The following ERBB4 variants were observed in gnomAD, a reference collection of about 807,000 sequenced individuals.
ERBB4 encodes receptor tyrosine-protein kinase erbB-4.
ERBB4 carries 42 observed loss-of-function variants against 158.0 expected under a neutral mutation model. The ratio of observed to expected loss-of-function variants is 0.27; its 90% CI spans 0.21 to 0.34. ERBB4 has a LOEUF of 0.34. Ranked by LOEUF, ERBB4 falls within the 10% of genes least tolerant of loss-of-function variation. The pLI, the probability that ERBB4 is intolerant of heterozygous loss-of-function variation, is 1.00. For synonymous variants in ERBB4, 583 were observed against 558.7 expected (o/e 1.04, Z -0.61); for missense variants, 1,333 against 1,624.1 (o/e 0.82, Z 3.08).
rs531755883 is a variant in ERBB4 at position 211,585,507 on chromosome 2, C to T, written c.2302-23419G>A. 7.2e-5 allele frequency among the ~76,000 whole-genome samples: 11 copies of T among 152,048 alleles called. No homozygotes were observed. The East Asian group carries it at 2.1e-3, about 29-fold the overall frequency. On this transcript the variant is annotated intron_variant, in intron 19 of 27. Transcript: ENST00000342788. ...ATTGATAGCATAAATAAGAAATTGACTTTGAGGGGTCATGATTTTTAAAAG... is the reference window on the plus strand; with the variant it reads ...ATTGATAGCATAAATAAGAAATTGATTTTGAGGGGTCATGATTTTTAAAAG...
At chr2:211,455,141 C>T (rs900916110) in intron 20 of ERBB4, among the ~76,000 whole-genome samples, 3 of 152,196 alleles carry the variant, frequency 2.0e-5, no homozygotes, top group Non-Finnish European at 4.4e-5. Context: ...ACAGAAATTA[C>T]TCTGTTTTAA....
At chr2:212,368,603 C>A (rs1259650921) in intron 1 of ERBB4, among the ~76,000 whole-genome samples, 1 of 152,062 alleles carries the variant, frequency 6.6e-6, no homozygotes, top group Admixed American at 6.6e-5. Context: ...TGGTGTCCAT[C>A]AATATTAGCT....
At chr2:211,856,609 G>C (rs1347447399) in intron 3 of ERBB4, among the ~76,000 whole-genome samples, 3 of 151,912 alleles carry the variant, frequency 2.0e-5, no homozygotes, top group African/African-American at 7.2e-5. Context: ...GGATGGTCTC[G>C]ATCTCCTGGC....
chr2:211,742,827 A>T (rs2074841741), intron 5 of ERBB4, among the ~76,000 whole-genome samples: 1 of 152,038 alleles, frequency 6.6e-6, no homozygotes, highest in South Asian at 2.1e-4. Context: ...ATTATCTACA[A>T]GAAAAAAATA....
At chr2:212,338,415 G>GA (rs994438273) in intron 1 of ERBB4, among the ~76,000 whole-genome samples, 2 of 152,080 alleles carry the variant, frequency 1.3e-5, no homozygotes, top group African/African-American at 4.8e-5. Context: ...ACATTAAATT[G>GA]AGGTGGCTGT....
chr2:212,125,556 C>G (rs1559545941), intron 1 of ERBB4, among the ~76,000 whole-genome samples: 1 of 152,150 alleles, frequency 6.6e-6, no homozygotes, highest in Non-Finnish European at 1.5e-5. Flanking sequence ...TTTTCCTGAT[C>G]CTCTCCCTCC....
At chr2:211,556,585 C>T (rs1477639032) in intron 20 of ERBB4, among the ~76,000 whole-genome samples, 1 of 151,886 alleles carries the variant, frequency 6.6e-6, no homozygotes, top group Non-Finnish European at 1.5e-5. Context: ...ATACATCCAC[C>T]TCATTGCCAC....
chr2:211,869,776 G>C (rs577387558), intron 3 of ERBB4, among the ~76,000 whole-genome samples: 1 of 151,954 alleles, frequency 6.6e-6, no homozygotes, highest in Non-Finnish European at 1.5e-5. Context: ...TAATAGAGTG[G>C]TATATATACA....
At chr2:212,070,899 C>T (rs1050980706) in intron 2 of ERBB4, among the ~76,000 whole-genome samples, 2 of 151,666 alleles carry the variant, frequency 1.3e-5, no homozygotes, top group African/African-American at 2.4e-5. Flanking sequence ...TCTGAAATGT[C>T]CCCGTTTTCT....
intron 1 of ERBB4, among the ~76,000 whole-genome samples, chr2:212,425,182 T>C (rs1486580857): frequency 6.6e-6 from 1 of 151,328 alleles, no homozygotes; most frequent in Non-Finnish European, 1.5e-5. Flanking sequence ...TCTTTTGAAG[T>C]AAAAGTAAAT....
At chr2:211,439,100 G>C (rs919143796) in intron 20 of ERBB4, among the ~76,000 whole-genome samples, 1 of 151,974 alleles carries the variant, frequency 6.6e-6, no homozygotes, top group East Asian at 1.9e-4. Context: ...TGGACATTCA[G>C]CTGGAAGTTT....
At chr2:211,729,367 C>A (rs1313067785) in intron 5 of ERBB4, among the ~76,000 whole-genome samples, 1 of 151,522 alleles carries the variant, frequency 6.6e-6, no homozygotes, top group Non-Finnish European at 1.5e-5. Context: ...AAATATAGGG[C>A]TTTTCACCAT....
rs575596223 is a variant in ERBB4, at chr2:211,913,093, C to T, written c.421+34337G>A. Among the ~76,000 whole-genome samples, 5 of 152,290 alleles carry T rather than the reference C, an allele frequency of 3.3e-5. No homozygotes were observed. In the East Asian group the frequency reaches 9.7e-4, roughly 29 times the overall value. On this transcript the variant is annotated intron_variant, in intron 3 of 27. Coordinates refer to ENST00000342788, the MANE Select transcript of ERBB4 (RefSeq NM_005235.3). Reference sequence around the variant, plus strand: ...TGGTTGTCATTCTGAAGGCTCCCATCTGTACAGGTTAAATAAATGTGTATA... The same window carrying T: ...TGGTTGTCATTCTGAAGGCTCCCATTTGTACAGGTTAAATAAATGTGTATA...
intron 3 of ERBB4, among the ~76,000 whole-genome samples, chr2:211,843,696 A>G (rs1052455067): frequency 6.7e-6 from 1 of 148,698 alleles, no homozygotes; most frequent in Admixed American, 6.7e-5. Flanking sequence ...TGAAGTCTTA[A>G]CTAGCAAAAA....
At chr2:211,928,911 C>T (rs1292031040) in intron 3 of ERBB4, among the ~76,000 whole-genome samples, 1 of 152,096 alleles carries the variant, frequency 6.6e-6, no homozygotes, top group Non-Finnish European at 1.5e-5. Flanking sequence ...TGACACAAAG[C>T]CTGATTTCAA....
At chr2:212,196,229 CTTATAA>C (rs1394628920) in intron 1 of ERBB4, among the ~76,000 whole-genome samples, 1 of 151,804 alleles carries the variant, frequency 6.6e-6, no homozygotes, top group Non-Finnish European at 1.5e-5. Flanking sequence ...ATACTTTATT[CTTATAA>C]TTAAGACAGC....
At chr2:211,941,650 T>G (rs1249254292) in intron 3 of ERBB4, among the ~76,000 whole-genome samples, 1 of 151,462 alleles carries the variant, frequency 6.6e-6, no homozygotes, top group Non-Finnish European at 1.5e-5. Context: ...AGCCTCAGGC[T>G]TCTCATCACC....
In ERBB4 at chr2:211,619,987, T is replaced by C. The variant is rs1315850018; in HGVS notation, c.2203-712A>G. The stretch of plus-strand genomic sequence containing the variant: ...CTCTTTTCCTATCAAAATATAATTA[T>C]AATATCTGAACAGGATTTATCCCTT... On this transcript the variant is annotated intron_variant, in intron 18 of 27. Transcript: ENST00000342788. 2.0e-5 allele frequency among the ~76,000 whole-genome samples: 3 copies of C among 152,128 alleles called. No individual in the cohort carries two copies. In the East Asian group the frequency reaches 5.8e-4, roughly 29 times the overall value.
At chr2:212,318,355 C>T (rs2087390945) in intron 1 of ERBB4, among the ~76,000 whole-genome samples, 1 of 151,418 alleles carries the variant, frequency 6.6e-6, no homozygotes, top group African/African-American at 2.4e-5. Flanking sequence ...GCTTGTTTTG[C>T]AAAATTAGGA....
Sources: gnomAD v4.1 joint callset for allele counts (sites outside exome capture counted in the v4.1 genomes callset) on GRCh38, gnomAD v4.1.1 for gene constraint, MANE v1.5 for transcripts, NCBI Gene and HGNC (gene_info 2026-07-23, HGNC 2026-07-21) for gene names.